Variants in LINGO2 observed in about 807,000 individuals in gnomAD.
The protein encoded by LINGO2 is leucine rich repeat and Ig domain containing 2.
LINGO2 carries 14 observed loss-of-function variants against 30.6 expected under a neutral mutation model. That is an observed-to-expected ratio of 0.46 (90% CI 0.30 to 0.72). The LOEUF (loss-of-function observed/expected upper bound fraction) is 0.72, where lower values mean the gene tolerates loss of function less well. Ranked by LOEUF, LINGO2 falls within the 30% of genes least tolerant of loss-of-function variation. LINGO2 has a pLI of 0.07. For synonymous variants in LINGO2, 317 were observed against 288.5 expected (o/e 1.10, Z -1.00); for missense variants, 729 against 751.7 (o/e 0.97, Z 0.35).
intron 4 of LINGO2, among the ~76,000 whole-genome samples, chr9:28,286,802 C>A (rs1823525106): frequency 6.6e-6 from 1 of 151,852 alleles, no homozygotes; most frequent in African/African-American, 2.4e-5. Context: ...CATAATGGGG[C>A]CTTTCAGAAG....
chr9:28,941,285 T>C, the LINGO2 span, among the ~76,000 whole-genome samples: 1 of 152,250 alleles, frequency 6.6e-6, no homozygotes, highest in East Asian at 1.9e-4. Context: ...TTTATTAGTA[T>C]CTAGATATGC....
At chr9:28,716,276 CA>C in the LINGO2 span, among the ~76,000 whole-genome samples, 1 of 150,278 alleles carries the variant, frequency 6.7e-6, no homozygotes, top group African/African-American at 2.5e-5. Flanking sequence ...TAATTTTTTA[CA>C]AAGAGAAAAA....
the LINGO2 span, among the ~76,000 whole-genome samples, chr9:29,174,860 T>C: frequency 1.3e-5 from 2 of 152,216 alleles, no homozygotes; most frequent in African/African-American, 4.8e-5. Context: ...TAACTTTTAG[T>C]ATATTTTAAA....
chr9:28,630,158 ATATG>A (rs1353517614), intron 1 of LINGO2, among the ~76,000 whole-genome samples: 1 of 152,110 alleles, frequency 6.6e-6, no homozygotes, highest in Non-Finnish European at 1.5e-5. Flanking sequence ...ACATGTATAC[ATATG>A]TAACTAACTT....
intron 4 of LINGO2, among the ~76,000 whole-genome samples, chr9:28,172,083 CCATAAATGACATA>C (rs1305635001): frequency 6.8e-6 from 1 of 146,556 alleles, no homozygotes; most frequent in Non-Finnish European, 1.5e-5. Flanking sequence ...GTGGCTACTG[CCATAAATGACATA>C]ATTAAGAATT....
chr9:28,760,827 G>A, the LINGO2 span, among the ~76,000 whole-genome samples: 17 of 151,600 alleles, frequency 1.1e-4, no homozygotes, highest in Non-Finnish European at 2.2e-4. Context: ...TGCAAATGCT[G>A]TTAATTCTTT....
At chr9:28,742,854 TA>T in the LINGO2 span, among the ~76,000 whole-genome samples, 145,252 of 151,944 alleles carry the variant, frequency 0.96, 69,739 homozygotes, top group Non-Finnish European at 1. Context: ...TCTGTGCTAT[TA>T]TTGTCAAATA....
the LINGO2 span, among the ~76,000 whole-genome samples, chr9:29,042,906 G>C: frequency 6.6e-6 from 1 of 151,822 alleles, no homozygotes. Flanking sequence ...AGATTGATTA[G>C]TCATTGCCAC....
At chr9:28,172,507 A>G (rs1257325020) in intron 4 of LINGO2, among the ~76,000 whole-genome samples, 1 of 152,234 alleles carries the variant, frequency 6.6e-6, no homozygotes, top group Admixed American at 6.5e-5. Flanking sequence ...CATTTTAAAC[A>G]TCTCAAAACT....
chr9:28,660,659 C>T (rs1014938662), intron 1 of LINGO2, among the ~76,000 whole-genome samples: 11 of 151,942 alleles, frequency 7.2e-5, no homozygotes, highest in African/African-American at 2.4e-4. Flanking sequence ...TAAGGAAGAA[C>T]ATACTTGCTA....
chr9:28,409,278 C>T (rs956697062), intron 2 of LINGO2, among the ~76,000 whole-genome samples: 10 of 152,106 alleles, frequency 6.6e-5, no homozygotes, highest in Non-Finnish European at 1.5e-4. Flanking sequence ...ACATAGAGTT[C>T]AGCCATCTCA....
At chr9:28,578,939 G>A (rs1824124280) in intron 1 of LINGO2, among the ~76,000 whole-genome samples, 1 of 152,036 alleles carries the variant, frequency 6.6e-6, no homozygotes, top group African/African-American at 2.4e-5. Context: ...AAAACTCCAG[G>A]GATGCCATCA....
At chr9:28,779,247 T>C in the LINGO2 span, among the ~76,000 whole-genome samples, 2 of 152,196 alleles carry the variant, frequency 1.3e-5, no homozygotes, top group African/African-American at 4.8e-5. Context: ...TATTATTGAC[T>C]AATATACATT....
intron 1 of LINGO2, among the ~76,000 whole-genome samples, chr9:28,489,991 A>C (rs1237620328): frequency 6.6e-6 from 1 of 152,058 alleles, no homozygotes; most frequent in Non-Finnish European, 1.5e-5. Context: ...TTAGCAGACC[A>C]ATATTTATAT....
the LINGO2 span, chr9:27,939,930 A>G: frequency 4.6e-5 from 7 of 152,216 alleles, no homozygotes; most frequent in Admixed American, 2.6e-4. Flanking sequence ...TTCACTATAG[A>G]TATAACTTTC....
intron 4 of LINGO2, among the ~76,000 whole-genome samples, chr9:28,187,868 AG>A (rs1339505779): frequency 3.9e-5 from 6 of 152,134 alleles, no homozygotes; most frequent in South Asian, 2.1e-4. Flanking sequence ...GTATACTATG[AG>A]TTGAATATAA....
chr9:29,190,536 T>C, the LINGO2 span, among the ~76,000 whole-genome samples: 1 of 152,172 alleles, frequency 6.6e-6, no homozygotes, highest in Non-Finnish European at 1.5e-5. Flanking sequence ...AAAACAACTA[T>C]TTTCTAGTTC....
chr9:28,273,025 A>G (rs1822995673), intron 4 of LINGO2, among the ~76,000 whole-genome samples: 1 of 152,134 alleles, frequency 6.6e-6, no homozygotes, highest in Non-Finnish European at 1.5e-5. Context: ...GACCTTATGT[A>G]TTTTTTAGTT....
chr9:28,010,622 G>C (rs1455559972), intron 5 of LINGO2, among the ~76,000 whole-genome samples: 1 of 152,180 alleles, frequency 6.6e-6, no homozygotes, highest in Admixed American at 6.5e-5. Flanking sequence ...AGAGCACCAT[G>C]GGCTCAACAG....
Sources: allele counts gnomAD v4.1 joint callset (sites outside exome capture counted in the v4.1 genomes callset), GRCh38; gene constraint gnomAD v4.1.1; transcripts MANE v1.5; gene names NCBI Gene and HGNC (gene_info 2026-07-23, HGNC 2026-07-21).